SYNE2: variants seen among roughly 807,000 people sequenced by gnomAD.
SYNE2 encodes nesprin-2.
Under a neutral mutation model 856.3 loss-of-function variants are expected in SYNE2, and 431 were observed. The observed-to-expected ratio is 0.50, with a 90% CI of 0.47 to 0.55. The LOEUF (loss-of-function observed/expected upper bound fraction) is 0.55. Among genes scored for constraint, SYNE2 ranks in the 20% least tolerant of loss-of-function variants. The pLI is 0.00. For synonymous variants in SYNE2, 2,923 were observed against 2,872.3 expected (o/e 1.02, Z -0.56); for missense variants, 8,129 against 8,023.2 (o/e 1.01, Z -0.50).
intron 112 of SYNE2, among the ~76,000 whole-genome samples, chr14:64,222,553 AATAAAATAAAAATACAAG>A: frequency 6.6e-6 from 1 of 152,120 alleles, no homozygotes; most frequent in Non-Finnish European, 1.5e-5. Context: ...AAAAATACAA[AATAAAATAAAAATACAAG>A]AAAAATTAGC....
chr14:63,955,608 A>AT (rs1455116318), intron 8 of SYNE2, among the ~76,000 whole-genome samples: 1 of 152,186 alleles, frequency 6.6e-6, no homozygotes, highest in African/African-American at 2.4e-5. Context: ...TAGGTCAAGC[A>AT]CGTATGAATT....
At chr14:63,919,971 A>ATTTTTTTTTTTTTTTTT (rs2095577326) in intron 2 of SYNE2, among the ~76,000 whole-genome samples, 1 of 94,586 alleles carries the variant, frequency 1.1e-5, no homozygotes, top group East Asian at 2.4e-4. Context: ...ATAAAAGGTA[A>ATTTTTTTTTTTTTTTTT]GTTTTTTTTT....
At chr14:63,999,127 A>C in intron 27 of SYNE2, 87 bp downstream of exon 27, 1 of 1,284,708 alleles carries the variant, frequency 7.8e-7, no homozygotes, top group Non-Finnish European at 1.1e-6. Flanking sequence ...TTTTCTGTTG[A>C]GGTCACATAT....
intron 1 of SYNE2, among the ~76,000 whole-genome samples, chr14:63,862,011 A>G (rs758225091): frequency 1.3e-4 from 20 of 152,200 alleles, no homozygotes; most frequent in Non-Finnish European, 2.6e-4. Flanking sequence ...GGTTTTACCC[A>G]GGTCCTCACA....
intron 43 of SYNE2, among the ~76,000 whole-genome samples, chr14:64,028,593 A>C (rs554415116): frequency 2.0e-5 from 3 of 152,272 alleles, no homozygotes; most frequent in East Asian, 3.9e-4. Flanking sequence ...CTAACTCTCA[A>C]GGATGGAGGA....
At position 64,003,072 on chromosome 14, in the gene SYNE2, G is replaced by A. The variant is rs1254510940; in HGVS notation, c.4139G>A (p.Cys1380Tyr). 6.2e-7 allele frequency: 1 copy of A among 1,614,188 alleles called. No individual in the cohort carries two copies. Among genetic ancestry groups the A allele is most frequent in the South Asian group, 1.1e-5 (1 of 91,078 alleles). The part of the protein sequence containing the change: ...MKDKAKHLDK[C>Y]LKMLDMSFKD... Reference sequence around the variant, plus strand: ...GACAAGGCCAAACATTTGGATAAATGTTTGAAGATGCTCGATATGAGCTTT... The same window carrying A: ...GACAAGGCCAAACATTTGGATAAATATTTGAAGATGCTCGATATGAGCTTT... The change falls in exon 30 of 116, where the codon TGT becomes TAT. Residue 1380 changes from cysteine (C) to tyrosine (Y), a missense_variant. Around this residue, in one of 3 missense-constraint regions of SYNE2, gnomAD observed 2,422 missense variants for 2,357.4 expected, o/e 1.03. Transcript: ENST00000555002.
At position 63,883,285 on chromosome 14, in the gene SYNE2, C is replaced by G. The variant is rs551071270; in HGVS notation, c.-51-25813C>G. ...TGTTGACCAGGCTGGTCTTGAACTC[C>G]TGATGTCAAGTGATCCACCTGCCTT... On this transcript the variant is annotated intron_variant, in intron 1 of 115. Coordinates refer to ENST00000555002, the MANE Select transcript of SYNE2 (RefSeq NM_182914.3). Among the ~76,000 whole-genome samples, 4 of 152,254 alleles carry G rather than the reference C, an allele frequency of 2.6e-5. No homozygotes were observed. The East Asian group carries it at 7.7e-4, about 29-fold the overall frequency.
At chr14:63,964,953 T>C (rs1260790223) in intron 10 of SYNE2, among the ~76,000 whole-genome samples, 1 of 151,624 alleles carries the variant, frequency 6.6e-6, no homozygotes, top group East Asian at 1.9e-4. Flanking sequence ...TACCACATAT[T>C]GAACATTTCT....
chr14:63,769,738 G>C (rs1314773374), intron 1 of SYNE2, among the ~76,000 whole-genome samples: 1 of 140,940 alleles, frequency 7.1e-6, no homozygotes, highest in East Asian at 2.2e-4. Context: ...AAAAAAGAAA[G>C]AAAAAGAAAA....
intron 1 of SYNE2, among the ~76,000 whole-genome samples, chr14:63,805,302 T>A (rs988579435): frequency 6.6e-6 from 1 of 152,238 alleles, no homozygotes; most frequent in African/African-American, 2.4e-5. Context: ...TAAATTACTT[T>A]GGGCAGTATG....
chr14:64,052,810 A>G lies in SYNE2; in HGVS notation c.8897A>G (p.Glu2966Gly). 2 of 1,612,700 alleles carry G rather than the reference A, an allele frequency of 1.2e-6. No individual in the cohort carries two copies. Among genetic ancestry groups the G allele is most frequent in the Non-Finnish European group, 1.7e-6 (2 of 1,179,722 alleles). Residue 2966 changes from glutamate to glycine, a missense_variant, in exon 48 of 116, where the codon GAA becomes GGA. This residue lies in a region of SYNE2 where 5,410 missense variants were observed against 5,284.8 expected (regional missense o/e 1.02). Coordinates refer to ENST00000555002, the MANE Select transcript of SYNE2 (RefSeq NM_182914.3). ...QEEADSIQRNELLLNQEVNKG... is the reference protein window; with the variant it reads ...QEEADSIQRNGLLLNQEVNKG... ...GAGGCTGACAGTATACAGCGCAATG[A>G]ACTATTACTTAATCAAGAAGTAAAT...
chr14:63,910,298 G>A (rs180815547), intron 2 of SYNE2, among the ~76,000 whole-genome samples: 175 of 152,254 alleles, frequency 1.1e-3, no homozygotes, highest in African/African-American at 4.0e-3. Flanking sequence ...CATATTGAGT[G>A]ATTTGGCAAA....
At position 63,994,639 on chromosome 14, in the gene SYNE2, G is replaced by A. The variant is rs1448673828; in HGVS notation, c.2782-405G>A. 2.0e-5 allele frequency among the ~76,000 whole-genome samples: 3 copies of A among 152,210 alleles called. No homozygotes were observed. In the East Asian group the frequency reaches 5.8e-4, roughly 29 times the overall value. On this transcript the variant is annotated intron_variant, in intron 22 of 115. Transcript: ENST00000555002. ...TTTACCCTGACAGAGTGATACATTA[G>A]TATTAACTAAAGTTTGCACTTTATT... is the stretch of plus-strand genomic sequence containing the variant.
intron 78 of SYNE2, among the ~76,000 whole-genome samples, chr14:64,137,201 T>G (rs564896725): frequency 2.0e-5 from 3 of 152,064 alleles, no homozygotes; most frequent in Admixed American, 6.6e-5. Flanking sequence ...GGTTGGTTTG[T>G]TTTGTTTTGT....
chr14:63,929,496 C>T lies in SYNE2; in HGVS notation c.80-11118C>T, dbSNP rs529337379. ...CTGAAAAATTTTCTCTGAGGCCAGC[C>T]GCTGTGGCTCATGCCTATAATCCCA... is the stretch of plus-strand genomic sequence containing the variant. On this transcript the variant is annotated intron_variant, in intron 2 of 115. Transcript: ENST00000555002. Among the ~76,000 whole-genome samples, 25 of 152,230 alleles carry T rather than the reference C, an allele frequency of 1.6e-4. No homozygotes were observed. The East Asian group carries it at 2.1e-3, about 13-fold the overall frequency.
At chr14:64,141,591 T>C in intron 81 of SYNE2, 68 bp downstream of exon 81, 1 of 1,524,568 alleles carries the variant, frequency 6.6e-7, no homozygotes, top group Non-Finnish European at 9.0e-7. Flanking sequence ...TTTAAAATTA[T>C]TTCTCTGACT....
chr14:64,073,448 C>A (rs540520115), intron 52 of SYNE2, among the ~76,000 whole-genome samples: 7 of 152,210 alleles, frequency 4.6e-5, no homozygotes, highest in South Asian at 2.1e-4. Context: ...AGCTCTGTCT[C>A]AGGAACTACA....
chr14:64,220,718 C>G, intron 111 of SYNE2, 81 bp downstream of exon 111: 1 of 1,504,674 alleles, frequency 6.6e-7, no homozygotes, highest in Non-Finnish European at 9.1e-7. Flanking sequence ...TTATCATCAT[C>G]AGGCTGCTTC....
chr14:63,819,571 G>A (rs1450004294), intron 1 of SYNE2, among the ~76,000 whole-genome samples: 2 of 145,694 alleles, frequency 1.4e-5, no homozygotes, highest in Non-Finnish European at 3.0e-5. Flanking sequence ...GAGTCTTGCT[G>A]TGTAGCCCAG....
Sources: allele counts gnomAD v4.1 joint callset (sites outside exome capture counted in the v4.1 genomes callset), GRCh38; gene constraint gnomAD v4.1.1; regional missense constraint gnomAD v4.1.1; transcripts MANE v1.5; gene names NCBI Gene and HGNC (gene_info 2026-07-23, HGNC 2026-07-21).